RAVER2: variants seen among roughly 807,000 people sequenced by gnomAD.
RAVER2 encodes the protein ribonucleoprotein, PTB binding 2, also known as ribonucleoprotein PTB-binding 2.
RAVER2 carries 46 observed loss-of-function variants against 78.1 expected under a neutral mutation model. That is an observed-to-expected ratio of 0.59 (90% CI 0.46 to 0.75). RAVER2 has a LOEUF of 0.75. Among genes scored for constraint, RAVER2 ranks in the 30% least tolerant of loss-of-function variants. The pLI is 0.00. For synonymous variants in RAVER2, 311 were observed against 313.3 expected (o/e 0.99, Z 0.08); for missense variants, 793 against 837.5 (o/e 0.95, Z 0.66).
rs909157901 is a variant in RAVER2 at position 64,745,464 on chromosome 1, G to A, written c.249+43G>A. The stretch of plus-strand genomic sequence containing the variant: ...GGGGCGACGCGTCCCGAGGGGCGGC[G>A]GGGCGGCGCTCCGTGTCCAGGCTGG... On this transcript the variant is annotated intron_variant, in intron 1 of 11. Coordinates refer to ENST00000294428, the Ensembl canonical transcript of RAVER2. This position sits in a 1 kb window ranked among gnomAD's most constrained non-coding sequence, Gnocchi z 4.3. 1.3e-6 allele frequency: 2 copies of A among 1,481,888 alleles called. No individual in the cohort carries two copies. Among genetic ancestry groups the A allele is most frequent in the Non-Finnish European group, 1.8e-6 (2 of 1,106,018 alleles). The allele number at this position is 1,481,888 out of a possible 1,614,324, so 91.8% of individuals were successfully genotyped here. A position where few individuals can be genotyped will look rare whatever the true frequency, so the allele number is the denominator to read the frequency against.
chr1:64,799,218 A>C (rs887915762), intron 5 of RAVER2, among the ~76,000 whole-genome samples: 1 of 152,178 alleles, frequency 6.6e-6, no homozygotes, highest in African/African-American at 2.4e-5. Context: ...TGTTTCACTT[A>C]ATATAATGTC....
chr1:64,783,546 A>ATT (rs1487346926), intron 4 of RAVER2, among the ~76,000 whole-genome samples: 7 of 152,236 alleles, frequency 4.6e-5, no homozygotes, highest in African/African-American at 1.4e-4. Flanking sequence ...AGAAGAAGAC[A>ATT]TTTGTTGTCT....
intron 11 of RAVER2, 30 bp downstream of exon 11, chr1:64,814,870 C>A: frequency 6.8e-7 from 1 of 1,476,018 alleles, no homozygotes; most frequent in Non-Finnish European, 9.1e-7. Context: ...TGATGATACT[C>A]AGAAAAATTG....
At chr1:64,747,788 T>G (rs1187944225) in intron 1 of RAVER2, among the ~76,000 whole-genome samples, 1 of 152,184 alleles carries the variant, frequency 6.6e-6, no homozygotes, top group Non-Finnish European at 1.5e-5. Context: ...GTGCTGAGAT[T>G]ACAGGTGTGA....
chr1:64,831,737 C>A (rs1654140107), exon 12 of RAVER2: 1 of 152,152 alleles, frequency 6.6e-6, no homozygotes, highest in South Asian at 2.1e-4. Context: ...CAAGCTAAGA[C>A]TAATGTTTAC....
chr1:64,748,419 AC>A (rs1651603127), intron 1 of RAVER2, among the ~76,000 whole-genome samples: 1 of 152,218 alleles, frequency 6.6e-6, no homozygotes, highest in Admixed American at 6.5e-5. Flanking sequence ...CTCCTGAAGC[AC>A]AAATCTGATC....
chr1:64,810,826 GAAC>G (rs1264314490), intron 9 of RAVER2, among the ~76,000 whole-genome samples: 5 of 152,054 alleles, frequency 3.3e-5, no homozygotes, highest in Non-Finnish European at 7.4e-5. Flanking sequence ...GTTGACCCTA[GAAC>G]AACACGGGTT....
At chr1:64,800,487 G>A (rs1265868661) in intron 5 of RAVER2, among the ~76,000 whole-genome samples, 5 of 152,072 alleles carry the variant, frequency 3.3e-5, no homozygotes, top group African/African-American at 7.2e-5. Context: ...TAAGGGTCTG[G>A]CTTCATTCTT....
intron 9 of RAVER2, among the ~76,000 whole-genome samples, chr1:64,808,978 T>C (rs897452492): frequency 1.3e-5 from 2 of 152,010 alleles, no homozygotes; most frequent in African/African-American, 2.4e-5. Flanking sequence ...ACAGCCAAAA[T>C]GGGGGCAGGT....
In RAVER2 at chr1:64,789,516, T is replaced by C. The variant is rs1256521946; in HGVS notation, c.1105+2T>C. On this transcript the variant is annotated splice_donor_variant, in intron 5 of 11. Coordinates refer to ENST00000294428, the Ensembl canonical transcript of RAVER2. LOFTEE classifies it high-confidence loss of function. ...TATGTGGACGAGCTGTTAAACCAGGTATGGACCATGTATGTATACTGATTA... is the reference window on the plus strand; with the variant it reads ...TATGTGGACGAGCTGTTAAACCAGGCATGGACCATGTATGTATACTGATTA... 1 of 1,599,130 alleles carries C rather than the reference T, an allele frequency of 6.3e-7. No individual in the cohort carries two copies. Among genetic ancestry groups the C allele is most frequent in the Non-Finnish European group, 8.5e-7 (1 of 1,172,630 alleles).
intron 4 of RAVER2, 81 bp downstream of exon 4, chr1:64,781,652 G>A (rs925559583): frequency 1.5e-6 from 2 of 1,303,542 alleles, no homozygotes; most frequent in South Asian, 1.9e-5. Flanking sequence ...TCTAGCCAAA[G>A]TAATTGATTG....
chr1:64,746,635 TG>T (rs1170452464), intron 1 of RAVER2, among the ~76,000 whole-genome samples: 2 of 152,150 alleles, frequency 1.3e-5, no homozygotes, highest in Non-Finnish European at 2.9e-5. Flanking sequence ...CCCGTAGGCA[TG>T]GGGGGCTATT....
chr1:64,803,121 T>C (rs1383319099), intron 6 of RAVER2, 60 bp downstream of exon 6: 13 of 1,272,054 alleles, frequency 1.0e-5, no homozygotes, highest in Non-Finnish European at 1.5e-5. Flanking sequence ...TTTTGTTTGT[T>C]CTTAACACTT....
At chr1:64,757,965 A>G (rs904719093) in intron 1 of RAVER2, among the ~76,000 whole-genome samples, 1 of 152,070 alleles carries the variant, frequency 6.6e-6, no homozygotes, top group Non-Finnish European at 1.5e-5. Context: ...GGCATCTCCC[A>G]TCACCGCTGC....
At chr1:64,763,190 A>ATG (rs1652071069) in intron 1 of RAVER2, among the ~76,000 whole-genome samples, 1 of 152,084 alleles carries the variant, frequency 6.6e-6, no homozygotes, top group African/African-American at 2.4e-5. Context: ...CCAGCTACTC[A>ATG]GGAGGCTGAG....
At chr1:64,759,460 C>G (rs1395934836) in intron 1 of RAVER2, among the ~76,000 whole-genome samples, 1 of 151,366 alleles carries the variant, frequency 6.6e-6, no homozygotes, top group Non-Finnish European at 1.5e-5. Flanking sequence ...CCCTTGTGAT[C>G]CGCCCGCCTC....
At chr1:64,785,352 T>G (rs1557593581) in intron 4 of RAVER2, among the ~76,000 whole-genome samples, 2 of 151,686 alleles carry the variant, frequency 1.3e-5, no homozygotes, top group Admixed American at 6.6e-5. Context: ...TGCTGGTGAT[T>G]GTGCCTGTCC....
At chr1:64,784,714 A>G (rs539109554) in intron 4 of RAVER2, among the ~76,000 whole-genome samples, 13 of 152,200 alleles carry the variant, frequency 8.5e-5, no homozygotes, top group Non-Finnish European at 1.5e-4. Context: ...TCTATGTTCT[A>G]TAATATCTAT....
intron 4 of RAVER2, among the ~76,000 whole-genome samples, chr1:64,788,645 A>C (rs1194864370): frequency 1.3e-5 from 2 of 151,832 alleles, no homozygotes; most frequent in African/African-American, 4.8e-5. Context: ...ACAAAAAATT[A>C]GCCAGGCGTT....
Sources: gnomAD v4.1 joint callset for allele counts (sites outside exome capture counted in the v4.1 genomes callset) on GRCh38, gnomAD v4.1.1 for gene constraint, Gnocchi (gnomAD v3.1) non-coding constraint, MANE v1.5 for transcripts, NCBI Gene and HGNC (gene_info 2026-07-23, HGNC 2026-07-21) for gene names.